Variants in PDE4D observed in about 807,000 individuals in gnomAD.
The protein encoded by PDE4D is 3',5'-cyclic-AMP phosphodiesterase 4D.
A neutral mutation model predicts 87.4 loss-of-function variants in PDE4D; 24 were observed. That is an observed-to-expected ratio of 0.27 (90% CI 0.20 to 0.39). PDE4D has a LOEUF of 0.39. PDE4D is among the 10% of genes least tolerant of loss of function. The pLI, the probability that PDE4D is intolerant of heterozygous loss-of-function variation, is 1.00. For synonymous variants in PDE4D, 384 were observed against 383.2 expected (o/e 1.00, Z -0.02); for missense variants, 714 against 1,041.0 (o/e 0.69, Z 4.32).
At chr5:59,092,586 T>C (rs1768938196) in intron 5 of PDE4D, among the ~76,000 whole-genome samples, 1 of 152,208 alleles carries the variant, frequency 6.6e-6, no homozygotes, top group South Asian at 2.1e-4. Context: ...TTTAAATCCC[T>C]GCTTAAGCAA....
At chr5:60,322,367 TACAC>T (rs60232413) in intron 1 of PDE4D, among the ~76,000 whole-genome samples, 13,152 of 132,628 alleles carry the variant, frequency 0.099, 599 homozygotes, top group East Asian at 0.14. Flanking sequence ...TGGACACACA[TACAC>T]ACACACACAC....
intron 1 of PDE4D, among the ~76,000 whole-genome samples, chr5:59,715,102 A>C (rs1043400459): frequency 6.6e-6 from 1 of 152,272 alleles, no homozygotes; most frequent in African/African-American, 2.4e-5. Flanking sequence ...GGCTCATGAG[A>C]GCATGGCAGG....
At chr5:59,304,537 A>G (rs887941432) in intron 1 of PDE4D, among the ~76,000 whole-genome samples, 3 of 152,100 alleles carry the variant, frequency 2.0e-5, no homozygotes, top group African/African-American at 7.2e-5. Context: ...TGGGTTTGTC[A>G]TAGATAGTTT....
At chr5:59,420,001 T>C (rs189495399) in intron 1 of PDE4D, among the ~76,000 whole-genome samples, 130 of 152,304 alleles carry the variant, frequency 8.5e-4, no homozygotes, top group Admixed American at 1.8e-3. Context: ...CATAGATCCA[T>C]TGCACGTGGT....
At chr5:60,073,593 T>C (rs1772972539) in intron 2 of PDE4D, among the ~76,000 whole-genome samples, 1 of 151,956 alleles carries the variant, frequency 6.6e-6, no homozygotes, top group South Asian at 2.1e-4. Context: ...ATAAGAATGA[T>C]TCCAGCTCTT....
Position 59,098,543 on chromosome 5 carries a change from A to T in PDE4D, c.809-59572T>A, listed in dbSNP as rs61134292. ...TGAGACCTCATCTCTACAAAAAATT[A>T]AAAAAAAAAAAATTGCTGGGTATGG... is the stretch of plus-strand genomic sequence containing the variant. On this transcript the variant is annotated intron_variant, in intron 5 of 14. Coordinates refer to ENST00000340635, the MANE Select transcript of PDE4D (RefSeq NM_001104631.2). Among the ~76,000 whole-genome samples, 5 of 17,098 alleles carry T rather than the reference A, an allele frequency of 2.9e-4. No individual in the cohort carries two copies. The South Asian group carries it at 3.9e-3, about 13-fold the overall frequency. The allele number at this position is 17,098 out of a possible 152,430, so 11.2% of individuals were successfully genotyped here. A position where few individuals can be genotyped will look rare whatever the true frequency, so the allele number is the denominator to read the frequency against.
chr5:59,940,454 G>T (rs1315090972), intron 3 of PDE4D, among the ~76,000 whole-genome samples: 3 of 152,262 alleles, frequency 2.0e-5, no homozygotes, highest in South Asian at 2.1e-4. Context: ...TGGAGGTAGA[G>T]AGAGGAGGAC....
intron 1 of PDE4D, among the ~76,000 whole-genome samples, chr5:59,543,524 G>T (rs1816722415): frequency 1.3e-5 from 2 of 152,066 alleles, no homozygotes. Flanking sequence ...AATTCTTGAG[G>T]GGGTAAAAAG....
intron 1 of PDE4D, among the ~76,000 whole-genome samples, chr5:59,311,224 G>T (rs1772528009): frequency 6.6e-6 from 1 of 151,958 alleles, no homozygotes; most frequent in African/African-American, 2.4e-5. Context: ...AGGTATAAGG[G>T]GATCAGGAAG....
At chr5:59,637,049 C>A (rs1832335962) in intron 1 of PDE4D, among the ~76,000 whole-genome samples, 2 of 152,060 alleles carry the variant, frequency 1.3e-5, no homozygotes, top group South Asian at 4.1e-4. Flanking sequence ...AACAAATTTA[C>A]AAGAAACAAA....
intron 1 of PDE4D, among the ~76,000 whole-genome samples, chr5:59,301,895 G>A: frequency 6.6e-6 from 1 of 152,004 alleles, no homozygotes; most frequent in East Asian, 1.9e-4. Flanking sequence ...CTCCCAAACA[G>A]GAAACATCTT....
At chr5:59,586,247 C>G (rs1825100667) in intron 1 of PDE4D, 3 of 1,078,472 alleles carry the variant, frequency 2.8e-6, no homozygotes, top group African/African-American at 1.6e-5. Flanking sequence ...TACTCTAGTT[C>G]AAGACAAATC....
rs144944422 is a variant in PDE4D, at chr5:59,710,077, T to C, written c.455+183091A>G. On this transcript the variant is annotated intron_variant, in intron 1 of 14. Coordinates refer to ENST00000340635, the MANE Select transcript of PDE4D (RefSeq NM_001104631.2). ...TTCTGGGTGAGACATGGTGACTATG[T>C]GCATCTGAATATGCTACAAGGATAT... Among the ~76,000 whole-genome samples, 1,046 of 152,290 alleles carry C rather than the reference T, an allele frequency of 6.9e-3. 7 individuals carry two copies. Among genetic ancestry groups the C allele is most frequent in the African/African-American group, 0.02 (811 of 41,566 alleles).
In PDE4D at chr5:59,865,786, T is replaced by G. The variant is rs536981302; in HGVS notation, c.455+27382A>C. ...TATATTTGATTTCATGTACATTATTTTAATCCTCCCACTAAAATGTAAGTT... is the reference window on the plus strand; with the variant it reads ...TATATTTGATTTCATGTACATTATTGTAATCCTCCCACTAAAATGTAAGTT... On this transcript the variant is annotated intron_variant, in intron 1 of 14. Coordinates refer to ENST00000340635, the MANE Select transcript of PDE4D (RefSeq NM_001104631.2). Among the ~76,000 whole-genome samples the G allele has an allele frequency of 3.9e-5, 6 of 152,326 alleles. No individual in the cohort carries two copies. In the South Asian group the frequency reaches 1.2e-3, roughly 32 times the overall value.
At chr5:59,733,793 T>A (rs998370923) in intron 1 of PDE4D, among the ~76,000 whole-genome samples, 2 of 152,092 alleles carry the variant, frequency 1.3e-5, no homozygotes, top group Non-Finnish European at 2.9e-5. Flanking sequence ...TTATTTAACC[T>A]TTGTGGATGA....
chr5:59,185,027 G>A (rs1742568357), intron 4 of PDE4D, among the ~76,000 whole-genome samples, 162 bp downstream of exon 4: 2 of 152,022 alleles, frequency 1.3e-5, no homozygotes, highest in African/African-American at 4.8e-5. Flanking sequence ...CCATCACCAC[G>A]AAGTATTTAT....
At chr5:59,052,932 T>C (rs1306780055) in intron 5 of PDE4D, among the ~76,000 whole-genome samples, 1 of 152,158 alleles carries the variant, frequency 6.6e-6, no homozygotes, top group African/African-American at 2.4e-5. Context: ...CTGCTTTTAA[T>C]AGTAATTCAT....
intron 2 of PDE4D, among the ~76,000 whole-genome samples, chr5:60,138,376 G>A (rs991730219): frequency 6.6e-6 from 1 of 152,072 alleles, no homozygotes; most frequent in African/African-American, 2.4e-5. Context: ...TCAATGCTTT[G>A]GAGTAGGTTT....
intron 2 of PDE4D, among the ~76,000 whole-genome samples, chr5:60,095,852 G>A (rs530803247): frequency 1.3e-5 from 2 of 152,190 alleles, no homozygotes; most frequent in African/African-American, 4.8e-5. Flanking sequence ...GTGATGATGA[G>A]CTTTTTTTTA....
Sources: allele counts gnomAD v4.1 joint callset (sites outside exome capture counted in the v4.1 genomes callset), GRCh38; gene constraint gnomAD v4.1.1; transcripts MANE v1.5; gene names NCBI Gene and HGNC (gene_info 2026-07-23, HGNC 2026-07-21).